The following ZNF385D variants were observed in gnomAD, a reference collection of about 807,000 sequenced individuals.
ZNF385D encodes zinc finger protein 385D, also known as zinc finger protein 659.
A neutral mutation model predicts 35.8 loss-of-function variants in ZNF385D; 15 were observed. The observed-to-expected ratio is 0.42, with a 90% CI of 0.28 to 0.64. ZNF385D has a LOEUF of 0.64. Ranked by LOEUF, ZNF385D falls within the 30% of genes least tolerant of loss-of-function variation. ZNF385D has a pLI of 0.23. For synonymous variants in ZNF385D, 212 were observed against 186.8 expected, an observed-to-expected ratio of 1.13 and a Z score of -1.10; for missense variants, 474 against 494.6, an observed-to-expected ratio of 0.96 and a Z score of 0.39.
chr3:21,972,681 T>C (rs1703338114), intron 3 of ZNF385D, among the ~76,000 whole-genome samples: 1 of 150,036 alleles, frequency 6.7e-6, no homozygotes, highest in Admixed American at 6.7e-5. Context: ...TGATAAGCTT[T>C]AACTAGACTA....
At chr3:22,007,992 T>C (rs1318883795) in intron 3 of ZNF385D, among the ~76,000 whole-genome samples, 4 of 152,032 alleles carry the variant, frequency 2.6e-5, no homozygotes, top group Admixed American at 6.5e-5. Context: ...TCTTTTATTC[T>C]AGAACTTGTA....
At chr3:21,845,602 G>A (rs970623019) in intron 3 of ZNF385D, among the ~76,000 whole-genome samples, 1 of 151,880 alleles carries the variant, frequency 6.6e-6, no homozygotes, top group African/African-American at 2.4e-5. Flanking sequence ...ATCCCTCCTA[G>A]AAGGACTTTC....
chr3:22,130,937 A>C (rs1476391609), intron 3 of ZNF385D, among the ~76,000 whole-genome samples: 1 of 152,154 alleles, frequency 6.6e-6, no homozygotes. Flanking sequence ...TAGTGTAGGC[A>C]TTAATTAGCT....
intron 2 of ZNF385D, among the ~76,000 whole-genome samples, chr3:22,362,332 C>T (rs1187735220): frequency 6.6e-6 from 1 of 151,818 alleles, no homozygotes; most frequent in Non-Finnish European, 1.5e-5. Flanking sequence ...TTGGTTTAGA[C>T]AAATTTCTGA....
intron 2 of ZNF385D, among the ~76,000 whole-genome samples, chr3:21,662,389 AC>A (rs1356814453): frequency 1.3e-5 from 2 of 152,170 alleles, no homozygotes; most frequent in African/African-American, 2.4e-5. Flanking sequence ...ACCTTAGCAT[AC>A]CCTGAAACAA....
At chr3:21,759,230 C>T (rs535650869) in intron 3 of ZNF385D, among the ~76,000 whole-genome samples, 76 of 152,158 alleles carry the variant, frequency 5.0e-4, no homozygotes, top group African/African-American at 1.7e-3. Context: ...TCCTGAGAAG[C>T]TACAGGTGGT....
At chr3:21,932,427 T>G (rs964042202) in intron 3 of ZNF385D, among the ~76,000 whole-genome samples, 7 of 151,980 alleles carry the variant, frequency 4.6e-5, no homozygotes, top group African/African-American at 1.7e-4. Flanking sequence ...TTTTTTAATT[T>G]TAAGTGATGC....
At chr3:21,491,622 G>T (rs1475386592) in intron 4 of ZNF385D, among the ~76,000 whole-genome samples, 6 of 152,082 alleles carry the variant, frequency 3.9e-5, no homozygotes, top group Non-Finnish European at 7.4e-5. Context: ...TACAAACTAT[G>T]GCCAAAGTAG....
At chr3:21,575,126 G>A (rs754729159) in intron 2 of ZNF385D, among the ~76,000 whole-genome samples, 22 of 152,062 alleles carry the variant, frequency 1.4e-4, no homozygotes, top group Non-Finnish European at 3.2e-4. Context: ...TTACAGATAC[G>A]TAAAAATGCC....
intron 3 of ZNF385D, among the ~76,000 whole-genome samples, chr3:21,841,837 A>G (rs1695697413): frequency 6.6e-6 from 1 of 151,778 alleles, no homozygotes; most frequent in African/African-American, 2.4e-5. Flanking sequence ...CAATTCATAC[A>G]TATTTTTCTG....
Position 21,417,305 on chromosome 3 carries a change from C to T in ZNF385D, c.*3909G>A, listed in dbSNP as rs1700576071. 1 of 152,038 alleles carries T rather than the reference C, an allele frequency of 6.6e-6. No individual in the cohort carries two copies. The highest frequency in any genetic ancestry group is 2.1e-4 in the South Asian group (1 of 4,832). The allele number at this position is 152,038 out of a possible 1,614,324, so 9.4% of individuals were successfully genotyped here. A position where few individuals can be genotyped will look rare whatever the true frequency, so the allele number is the denominator to read the frequency against. On this transcript the variant is annotated 3_prime_UTR_variant, in exon 8 of 8. Transcript: ENST00000281523. ...ACTGATGAAGAAATTAAGGGCAAGG[C>T]ATTAGTTGACTATTTAAGTTACCCT... is the stretch of plus-strand genomic sequence containing the variant.
At chr3:21,595,855 C>T (rs987079503) in intron 2 of ZNF385D, among the ~76,000 whole-genome samples, 18 of 152,148 alleles carry the variant, frequency 1.2e-4, no homozygotes, top group Admixed American at 3.9e-4. Context: ...AGAAGATAGT[C>T]ACGAAGGTCT....
At chr3:21,665,835 T>C (rs2066389524) in intron 1 of ZNF385D, among the ~76,000 whole-genome samples, 1 of 152,232 alleles carries the variant, frequency 6.6e-6, no homozygotes, top group Admixed American at 6.5e-5. Context: ...AGCCCATCTT[T>C]AGTGTTCAGT....
rs112690098 is a variant in ZNF385D at position 21,976,071 on chromosome 3, C to T, written c.325+192746G>A. Among the ~76,000 whole-genome samples the T allele has an allele frequency of 2.4e-3, 362 of 152,162 alleles. 4 individuals carry two copies. Among genetic ancestry groups the T allele is most frequent in the African/African-American group, 8.2e-3 (340 of 41,530 alleles). Reference sequence around the variant, plus strand: ...TAACTGGGACACCTTGAGGGATGCACCATGTATATGGGGAAAACTAGAGGG... The same window carrying T: ...TAACTGGGACACCTTGAGGGATGCATCATGTATATGGGGAAAACTAGAGGG... On this transcript the variant is annotated intron_variant, in intron 3 of 5. Transcript: ENST00000494108.
rs140802166 is a variant in ZNF385D, at chr3:21,784,040, A to C, written c.326-119012T>G. 2.2e-3 allele frequency among the ~76,000 whole-genome samples: 334 copies of C among 152,272 alleles called. 2 individuals carry two copies. The highest frequency in any genetic ancestry group is 7.7e-3 in the African/African-American group (320 of 41,558). ...AGTACAGTGTTATCAGCATTGCCAG[A>C]CTAATTCAGCAGGCAGTCAGGTTCT... On this transcript the variant is annotated intron_variant, in intron 3 of 5. Transcript: ENST00000494108.
At chr3:22,140,066 T>C (rs887860904) in intron 3 of ZNF385D, among the ~76,000 whole-genome samples, 2 of 152,170 alleles carry the variant, frequency 1.3e-5, no homozygotes, top group Non-Finnish European at 2.9e-5. Context: ...GCTAAACATA[T>C]ATTACCACCC....
intron 2 of ZNF385D, among the ~76,000 whole-genome samples, chr3:22,311,673 T>G (rs553826154): frequency 4.6e-5 from 7 of 152,108 alleles, no homozygotes; most frequent in African/African-American, 1.7e-4. Flanking sequence ...ATTAAAGCTA[T>G]GATGTAGAGG....
At chr3:22,031,948 G>C (rs1698026930) in intron 3 of ZNF385D, among the ~76,000 whole-genome samples, 1 of 152,112 alleles carries the variant, frequency 6.6e-6, no homozygotes, top group Admixed American at 6.5e-5. Context: ...TCTTTTACCA[G>C]ATACCCTAAG....
chr3:22,201,051 A>G (rs1852566), intron 2 of ZNF385D, among the ~76,000 whole-genome samples: 93,290 of 151,944 alleles, frequency 0.61, 30,980 homozygotes, highest in African/African-American at 0.87. Context: ...TCAGCTGACA[A>G]GATTAAGAGA....
Sources: gnomAD v4.1 joint callset for allele counts (sites outside exome capture counted in the v4.1 genomes callset) on GRCh38, gnomAD v4.1.1 for gene constraint, MANE v1.5 for transcripts, NCBI Gene and HGNC (gene_info 2026-07-23, HGNC 2026-07-21) for gene names.